CALN1: variants seen among roughly 807,000 people sequenced by gnomAD.
The protein encoded by CALN1 is calneuron 1.
In CALN1, 17 loss-of-function variants were observed where a neutral mutation model predicts 30.6. The observed-to-expected ratio is 0.56, with a 90% CI of 0.38 to 0.83. The LOEUF (loss-of-function observed/expected upper bound fraction) is 0.83. Among genes scored for constraint, CALN1 ranks in the 40% least tolerant of loss-of-function variants. The probability of loss-of-function intolerance (pLI) is 0.00; values close to 1 mark genes in which losing one functional copy is unlikely to be tolerated. For synonymous variants in CALN1, 156 were observed against 131.4 expected (o/e 1.19, Z -1.28); for missense variants, 291 against 354.9 (o/e 0.82, Z 1.45).
intron 4 of CALN1, among the ~76,000 whole-genome samples, chr7:72,093,622 C>T (rs1025829188): frequency 2.6e-5 from 4 of 152,124 alleles, no homozygotes; most frequent in African/African-American, 4.8e-5. Flanking sequence ...TTTATGGTAA[C>T]GATGATGACT....
chr7:72,393,549 G>C (rs1805720205), intron 2 of CALN1, among the ~76,000 whole-genome samples: 1 of 152,146 alleles, frequency 6.6e-6, no homozygotes, highest in African/African-American at 2.4e-5. Flanking sequence ...TAAACTACCT[G>C]TCATAAAGCA....
At chr7:72,291,319 G>C (rs189061027) in intron 2 of CALN1, among the ~76,000 whole-genome samples, 2 of 152,142 alleles carry the variant, frequency 1.3e-5, no homozygotes, top group Admixed American at 1.3e-4. Flanking sequence ...GTACTACTCT[G>C]ACTTTCCCAG....
chr7:72,029,716 G>C (rs1801316185), intron 4 of CALN1, among the ~76,000 whole-genome samples: 1 of 152,216 alleles, frequency 6.6e-6, no homozygotes, highest in Admixed American at 6.5e-5. Flanking sequence ...TGAACACATG[G>C]AGATGCTGGG....
At chr7:72,257,805 G>A (rs1230996280) in intron 3 of CALN1, among the ~76,000 whole-genome samples, 1 of 152,184 alleles carries the variant, frequency 6.6e-6, no homozygotes, top group African/African-American at 2.4e-5. Flanking sequence ...ATGAAACAAT[G>A]GCCTTTGCAG....
At chr7:71,891,418 C>T (rs1243793449) in intron 5 of CALN1, among the ~76,000 whole-genome samples, 1 of 152,194 alleles carries the variant, frequency 6.6e-6, no homozygotes, top group Non-Finnish European at 1.5e-5. Flanking sequence ...TTCCATGGTG[C>T]TTTCTCCAGA....
the CALN1 span, among the ~76,000 whole-genome samples, chr7:72,463,176 C>T: frequency 1.3e-5 from 2 of 151,966 alleles, no homozygotes; most frequent in Non-Finnish European, 2.9e-5. Context: ...GGCTGGGGTG[C>T]ATTGGCACGA....
At chr7:72,372,102 G>T (rs1804280682) in intron 2 of CALN1, among the ~76,000 whole-genome samples, 1 of 152,172 alleles carries the variant, frequency 6.6e-6, no homozygotes, top group Non-Finnish European at 1.5e-5. Context: ...ATTCTGGCTT[G>T]ATGAAAGGAT....
intron 3 of CALN1, among the ~76,000 whole-genome samples, chr7:72,178,508 T>G (rs1450772511): frequency 6.6e-6 from 1 of 152,062 alleles, no homozygotes; most frequent in Admixed American, 6.5e-5. Context: ...CTGACCAACA[T>G]GGTGAAACCC....
chr7:72,102,318 G>A (rs759784493), intron 4 of CALN1, among the ~76,000 whole-genome samples: 10 of 152,158 alleles, frequency 6.6e-5, no homozygotes, highest in Non-Finnish European at 1.2e-4. Context: ...GGTGGCGCAC[G>A]TCTGTAACCC....
At chr7:72,233,677 C>T in intron 3 of CALN1, among the ~76,000 whole-genome samples, 1 of 152,104 alleles carries the variant, frequency 6.6e-6, no homozygotes, top group East Asian at 1.9e-4. Flanking sequence ...TATGGTCACA[C>T]CACTGGGCAA....
chr7:72,271,578 AT>A lies in CALN1; in HGVS notation c.244+7107del, dbSNP rs1562821313. Among the ~76,000 whole-genome samples the A allele has an allele frequency of 6.2e-5, 7 of 112,306 alleles. 1 individual carries two copies. The highest frequency in any genetic ancestry group is 1.0e-4 in the Admixed American group (1 of 9,708). The allele number at this position is 112,306 out of a possible 152,430, so 73.7% of individuals were successfully genotyped here. On this transcript the variant is annotated intron_variant, in intron 3 of 6. Transcript: ENST00000395275. ...TGCCTGCCTTTTAAAAAAAAAAAATATATATATATATATATAGTTTTCAGCA... is the reference window on the plus strand; with the variant it reads ...TGCCTGCCTTTTAAAAAAAAAAAATAATATATATATATATAGTTTTCAGCA...
chr7:72,228,737 A>ATT (rs1793862485), intron 3 of CALN1, among the ~76,000 whole-genome samples: 9 of 108,060 alleles, frequency 8.3e-5, no homozygotes, highest in Non-Finnish European at 1.1e-4. Flanking sequence ...TACCTTATTT[A>ATT]TATATTTATT....
At chr7:71,988,448 C>T (rs1798789010) in intron 5 of CALN1, among the ~76,000 whole-genome samples, 1 of 152,106 alleles carries the variant, frequency 6.6e-6, no homozygotes, top group African/African-American at 2.4e-5. Flanking sequence ...GCCGGTGCCC[C>T]AAGCCCACAG....
intron 5 of CALN1, among the ~76,000 whole-genome samples, chr7:72,012,855 G>C (rs923371022): frequency 6.6e-6 from 1 of 151,332 alleles, no homozygotes; most frequent in Non-Finnish European, 1.5e-5. Flanking sequence ...GAGTGCAAGG[G>C]CGTGATCTTG....
chr7:72,022,914 TAAAA>T (rs1392894808), intron 5 of CALN1, among the ~76,000 whole-genome samples: 6,950 of 95,634 alleles, frequency 0.073, 527 homozygotes, highest in African/African-American at 0.24. Context: ...ATAAAATAAA[TAAAA>T]TTAAAAAAAA....
intron 3 of CALN1, among the ~76,000 whole-genome samples, chr7:72,224,558 T>C (rs1585206359): frequency 6.6e-6 from 1 of 151,688 alleles, no homozygotes; most frequent in Admixed American, 6.6e-5. Context: ...CCAAGGCAGG[T>C]GAATTACTTT....
At chr7:71,958,630 A>G (rs975359937) in intron 5 of CALN1, among the ~76,000 whole-genome samples, 3 of 152,218 alleles carry the variant, frequency 2.0e-5, no homozygotes, top group African/African-American at 7.2e-5. Flanking sequence ...TAAAAACAGC[A>G]AAGTCTGGAT....
intron 4 of CALN1, among the ~76,000 whole-genome samples, chr7:72,067,225 C>T (rs1352106041): frequency 6.6e-6 from 1 of 152,152 alleles, no homozygotes; most frequent in East Asian, 1.9e-4. Context: ...CTGACATCTA[C>T]AGAGCCAAAA....
intron 4 of CALN1, among the ~76,000 whole-genome samples, chr7:72,102,491 T>C (rs1477953429): frequency 6.6e-6 from 1 of 151,966 alleles, no homozygotes; most frequent in Non-Finnish European, 1.5e-5. Flanking sequence ...TCCAGTGAGG[T>C]TGTATGCAGA....
Sources: allele counts gnomAD v4.1 joint callset (sites outside exome capture counted in the v4.1 genomes callset), GRCh38; gene constraint gnomAD v4.1.1; transcripts MANE v1.5; gene names NCBI Gene and HGNC (gene_info 2026-07-23, HGNC 2026-07-21).